The following SEMA3A variants were observed in gnomAD, a reference collection of about 807,000 sequenced individuals.
The protein encoded by SEMA3A is semaphorin 3A.
A neutral mutation model predicts 97.9 loss-of-function variants in SEMA3A; 29 were observed. That is an observed-to-expected ratio of 0.30 (90% CI 0.22 to 0.40). The LOEUF (loss-of-function observed/expected upper bound fraction) is 0.40. SEMA3A is among the 10% of genes least tolerant of loss of function. The pLI is 1.00. For missense variants in SEMA3A, 763 were observed against 951.3 expected (o/e 0.80, Z 2.60); for synonymous variants, 321 against 323.7 (o/e 0.99, Z 0.09).
At chr7:84,188,588 T>A (rs541208203) in intron 1 of SEMA3A, among the ~76,000 whole-genome samples, 3 of 151,960 alleles carry the variant, frequency 2.0e-5, no homozygotes, top group African/African-American at 7.2e-5. Flanking sequence ...GCTGTAATAA[T>A]GTGCCACAGG....
chr7:84,467,157 T>C (rs1021602899), intron 1 of SEMA3A, among the ~76,000 whole-genome samples: 3 of 152,116 alleles, frequency 2.0e-5, no homozygotes, highest in African/African-American at 7.2e-5. Context: ...TTTATGCACT[T>C]GTGGAAACTG....
chr7:84,424,959 ATATAATTTATATATT>A (rs1441308620), intron 1 of SEMA3A, among the ~76,000 whole-genome samples: 2 of 102,216 alleles, frequency 2.0e-5, no homozygotes, highest in Non-Finnish European at 3.4e-5. Context: ...ATAATTATAT[ATATAATTTATATATT>A]TATAATTTAT....
At chr7:84,262,773 G>A (rs558644348) in intron 3 of SEMA3A, among the ~76,000 whole-genome samples, 8 of 152,274 alleles carry the variant, frequency 5.3e-5, no homozygotes, top group African/African-American at 1.9e-4. Flanking sequence ...CTAGTCTAAT[G>A]TTTGGCAAAT....
chr7:84,266,313 C>CAA (rs57809084), intron 3 of SEMA3A, among the ~76,000 whole-genome samples: 184 of 70,378 alleles, frequency 2.6e-3, no homozygotes, highest in East Asian at 4.0e-3. Flanking sequence ...GATTTGGTCT[C>CAA]AAAAAAAAAA....
At chr7:83,980,623 A>AAAAAAAAAAT (rs1310318006) in intron 14 of SEMA3A, among the ~76,000 whole-genome samples, 23 of 71,754 alleles carry the variant, frequency 3.2e-4, no homozygotes, top group African/African-American at 5.0e-4. Context: ...AAAAAAAAAA[A>AAAAAAAAAAT]ATATATATAT....
rs796602048 is a variant in SEMA3A, at chr7:84,036,983, T to C, written c.667+9341A>G. 5.3e-5 allele frequency among the ~76,000 whole-genome samples: 8 copies of C among 152,222 alleles called. 1 individual carries two copies. The highest frequency in any genetic ancestry group is 1.9e-4 in the African/African-American group (8 of 41,562). ...GTTTGGGGATATTTATTTCAGTTTG[T>C]TGATGTCATTGATTTTATTAAGATG... On this transcript the variant is annotated intron_variant, in intron 6 of 16. Transcript: ENST00000265362.
intron 2 of SEMA3A, among the ~76,000 whole-genome samples, chr7:84,359,687 T>G (rs1165977675): frequency 6.6e-6 from 1 of 152,178 alleles, no homozygotes; most frequent in African/African-American, 2.4e-5. Flanking sequence ...CTTTTTCTAT[T>G]GATTGGAATA....
rs200900241 is a variant in SEMA3A at position 83,999,429 on chromosome 7, ATAAT to A, written c.1452+2522_1452+2525del. Among the ~76,000 whole-genome samples, 59 of 142,754 alleles carry A rather than the reference ATAAT, an allele frequency of 4.1e-4. 1 individual carries two copies. Among genetic ancestry groups the A allele is most frequent in the African/African-American group, 1.2e-3 (46 of 39,312 alleles). 93.7% of individuals were successfully genotyped at this position (142,754 alleles called of 152,430 possible). A position where few individuals can be genotyped will look rare whatever the true frequency, so the allele number is the denominator to read the frequency against. ...TGCACATTCTAATTCATATCAGAAA[ATAAT>A]TAAATAATAAAAACCTTATTTTTAC... On this transcript the variant is annotated intron_variant, in intron 12 of 16. Transcript: ENST00000265362.
intron 9 of SEMA3A, among the ~76,000 whole-genome samples, chr7:84,008,713 T>C (rs1790766827): frequency 6.6e-6 from 1 of 152,154 alleles, no homozygotes; most frequent in Non-Finnish European, 1.5e-5. Context: ...CTACTGCATA[T>C]AGACAGCGAT....
At chr7:84,313,362 A>AATACATATATATATATGTATATGTGTGTG (rs1801404898) in intron 2 of SEMA3A, among the ~76,000 whole-genome samples, 2 of 14,484 alleles carry the variant, frequency 1.4e-4, no homozygotes, top group East Asian at 0.021. Flanking sequence ...GTGTGTATAT[A>AATACATATATATATATGTATATGTGTGTG]TATATATATA....
intron 11 of SEMA3A, among the ~76,000 whole-genome samples, chr7:84,002,986 T>A (rs1288345365): frequency 6.6e-6 from 1 of 152,170 alleles, no homozygotes; most frequent in Admixed American, 6.5e-5. Flanking sequence ...TCAAAACTTT[T>A]ACTCTTCAAC....
Position 84,194,423 on chromosome 7 carries a change from G to C in SEMA3A, c.112+52C>G, listed in dbSNP as rs191868182. On this transcript the variant is annotated intron_variant, in intron 1 of 16. Transcript: ENST00000265362. ...TTGGGAGGGAGTTCAAGGAATTAAG[G>C]GGGGGGGCGGTTATTACAAAGCTAA... 0.068 allele frequency: 73,732 copies of C among 1,088,354 alleles called. 2,998 individuals carry two copies. The highest frequency in any genetic ancestry group is 0.075 in the Non-Finnish European group (56,687 of 759,070). The allele number at this position is 1,088,354 out of a possible 1,614,324, so 67.4% of individuals were successfully genotyped here. A position where few individuals can be genotyped will look rare whatever the true frequency, so the allele number is the denominator to read the frequency against.
At chr7:84,351,289 C>G (rs950538446) in intron 2 of SEMA3A, among the ~76,000 whole-genome samples, 36 of 152,064 alleles carry the variant, frequency 2.4e-4, no homozygotes, top group Admixed American at 6.6e-4. Context: ...TGATGGTTTG[C>G]TTGGTTTCCT....
At chr7:84,077,779 A>C (rs193143288) in intron 4 of SEMA3A, among the ~76,000 whole-genome samples, 1 of 152,024 alleles carries the variant, frequency 6.6e-6, no homozygotes, top group African/African-American at 2.4e-5. Context: ...AGGATCCTTA[A>C]AAATGTCCAT....
At chr7:84,186,668 G>A (rs1337301787) in intron 1 of SEMA3A, among the ~76,000 whole-genome samples, 1 of 151,502 alleles carries the variant, frequency 6.6e-6, no homozygotes, top group Non-Finnish European at 1.5e-5. Context: ...TAATAACTAT[G>A]ATTTGTACAT....
intron 1 of SEMA3A, among the ~76,000 whole-genome samples, chr7:84,487,789 G>T (rs1440913888): frequency 2.0e-5 from 3 of 151,662 alleles, no homozygotes; most frequent in African/African-American, 7.3e-5. Flanking sequence ...TTTAAAAATC[G>T]TTTTTTTCTC....
intron 1 of SEMA3A, among the ~76,000 whole-genome samples, chr7:84,169,177 A>G (rs116222072): frequency 0.013 from 1,926 of 151,686 alleles, 53 homozygotes; most frequent in African/African-American, 0.044. Flanking sequence ...TTCTATTTCT[A>G]TTTAATAAAA....
At chr7:84,270,602 ATAT>A (rs1181967527) in intron 3 of SEMA3A, among the ~76,000 whole-genome samples, 4 of 147,584 alleles carry the variant, frequency 2.7e-5, no homozygotes, top group Admixed American at 1.4e-4. Flanking sequence ...AATTATTTAT[ATAT>A]TATTCATATA....
intron 3 of SEMA3A, among the ~76,000 whole-genome samples, chr7:84,302,051 C>A (rs556002837): frequency 9.3e-4 from 142 of 151,924 alleles, no homozygotes; most frequent in African/African-American, 3.4e-3. Context: ...AATGAATAAC[C>A]AAATGTAGTA....
Sources: allele counts gnomAD v4.1 joint callset (sites outside exome capture counted in the v4.1 genomes callset), GRCh38; gene constraint gnomAD v4.1.1; transcripts MANE v1.5; gene names NCBI Gene and HGNC (gene_info 2026-07-23, HGNC 2026-07-21).